Variants in COL15A1 observed in about 807,000 individuals in gnomAD.
COL15A1 encodes the protein collagen type XV alpha 1 chain.
A neutral mutation model predicts 165.9 loss-of-function variants in COL15A1; 111 were observed. The observed-to-expected ratio is 0.67, with a 90% CI of 0.57 to 0.78. COL15A1 has a LOEUF of 0.78. COL15A1 is among the 30% of genes least tolerant of loss of function. The pLI, the probability that COL15A1 is intolerant of heterozygous loss-of-function variation, is 0.00. For missense variants in COL15A1, 1,745 were observed against 1,789.7 expected (o/e 0.98, Z 0.45); for synonymous variants, 659 against 674.8 (o/e 0.98, Z 0.36).
chr9:98,968,430 GC>G (rs977511344), intron 2 of COL15A1, among the ~76,000 whole-genome samples: 1 of 152,204 alleles, frequency 6.6e-6, no homozygotes, highest in African/African-American at 2.4e-5. Flanking sequence ...TCCATTCCTT[GC>G]CACTTTCAGC....
rs1206329670 is a variant in COL15A1, at chr9:99,063,035, T to A, written c.3592-15T>A. The A allele has an allele frequency of 1.9e-6, 3 of 1,594,356 alleles. No homozygotes were observed. The highest frequency in any genetic ancestry group is 1.7e-6 in the Non-Finnish European group (2 of 1,173,304). On this transcript the variant is annotated splice_polypyrimidine_tract_variant and intron_variant, in intron 38 of 41. Coordinates refer to ENST00000375001, the MANE Select transcript of COL15A1 (RefSeq NM_001855.5). Reference sequence around the variant, plus strand: ...GCATATTCAGAACTGTTTCTTTTCCTCCTTTTCATAACAGCCACATCAGCT... The same window carrying A: ...GCATATTCAGAACTGTTTCTTTTCCACCTTTTCATAACAGCCACATCAGCT...
intron 39 of COL15A1, among the ~76,000 whole-genome samples, chr9:99,065,988 G>A (rs1045177053): frequency 2.0e-5 from 3 of 151,920 alleles, no homozygotes; most frequent in South Asian, 2.1e-4. Flanking sequence ...CTGCCCCACC[G>A]CCTGAGCCTC....
chr9:98,955,592 A>G (rs1325426459), intron 2 of COL15A1, among the ~76,000 whole-genome samples: 1 of 152,254 alleles, frequency 6.6e-6, no homozygotes, highest in Non-Finnish European at 1.5e-5. Flanking sequence ...GCAGCCATCC[A>G]CTGTGCAGGA....
intron 16 of COL15A1, among the ~76,000 whole-genome samples, chr9:99,026,190 A>G (rs1026891011): frequency 2.0e-5 from 3 of 152,134 alleles, no homozygotes; most frequent in Admixed American, 2.0e-4. Context: ...GCTTCAGTGA[A>G]TGGTGTTGCC....
Position 99,035,431 on chromosome 9 carries a change from T to C in COL15A1, c.2289+13T>C. On this transcript the variant is annotated intron_variant, in intron 19 of 41. Transcript: ENST00000375001. ...AACGGCTGCAATTGTAGGTCGCCTC[T>C]GAAACCTTCATTATGAGGGTTGTCA... The C allele has an allele frequency of 6.2e-7, 1 of 1,614,078 alleles. No individual in the cohort carries two copies. The highest frequency in any genetic ancestry group is 1.1e-5 in the South Asian group (1 of 91,084).
intron 31 of COL15A1, among the ~76,000 whole-genome samples, chr9:99,053,381 C>T (rs370801952): frequency 1.2e-3 from 177 of 152,306 alleles, no homozygotes; most frequent in African/African-American, 3.9e-3. Flanking sequence ...GCTCCCCTTT[C>T]CCCTGATGCA....
At chr9:99,014,734 T>C (rs1474361839) in intron 9 of COL15A1, among the ~76,000 whole-genome samples, 1 of 152,190 alleles carries the variant, frequency 6.6e-6, no homozygotes, top group Non-Finnish European at 1.5e-5. Flanking sequence ...CCAAGGTGGT[T>C]GGAGCACAGC....
chr9:99,061,012 T>G (rs1027386107), intron 36 of COL15A1, among the ~76,000 whole-genome samples: 2 of 152,254 alleles, frequency 1.3e-5, no homozygotes, highest in African/African-American at 4.8e-5. Flanking sequence ...TCTGGCACAT[T>G]CGTTACCCTG....
chr9:98,960,274 C>T (rs956368676), intron 2 of COL15A1, among the ~76,000 whole-genome samples: 1 of 152,044 alleles, frequency 6.6e-6, no homozygotes, highest in Admixed American at 6.5e-5. Flanking sequence ...GTGACATGTG[C>T]CTGTACTCCC....
chr9:99,055,767 G>T lies in COL15A1; in HGVS notation c.3192+395G>T, dbSNP rs78528595. 7.9e-3 allele frequency among the ~76,000 whole-genome samples: 1,200 copies of T among 152,314 alleles called. 19 individuals are homozygous for T. The highest frequency in any genetic ancestry group is 0.027 in the African/African-American group (1,141 of 41,564). On this transcript the variant is annotated intron_variant, in intron 34 of 41. Transcript: ENST00000375001. Reference sequence around the variant, plus strand: ...TTTTATCAAAGGAGCTCCTAGATAGGTGTGGTTTTCCTAGGATGAGAGATT... The same window carrying T: ...TTTTATCAAAGGAGCTCCTAGATAGTTGTGGTTTTCCTAGGATGAGAGATT...
chr9:99,034,597 A>G lies in COL15A1; in HGVS notation c.2079+13A>G. 1 of 1,464,898 alleles carries G rather than the reference A, an allele frequency of 6.8e-7. No individual in the cohort carries two copies. The highest frequency in any genetic ancestry group is 9.0e-7 in the Non-Finnish European group (1 of 1,110,374). The allele number at this position is 1,464,898 out of a possible 1,614,324, so 90.7% of individuals were successfully genotyped here. Reference sequence around the variant, plus strand: ...AGTTGGTGAAAAGGTAAAAAAAAAAAAAAAAAAAAAAAAAAAAGAACTTTC... The same window carrying G: ...AGTTGGTGAAAAGGTAAAAAAAAAAGAAAAAAAAAAAAAAAAAGAACTTTC... On this transcript the variant is annotated intron_variant, in intron 17 of 41. Coordinates refer to ENST00000375001, the MANE Select transcript of COL15A1 (RefSeq NM_001855.5).
At chr9:99,066,597 C>CTTTTTTTTTTTTTTTTTTT (rs1825894667) in intron 39 of COL15A1, among the ~76,000 whole-genome samples, 1 of 65,118 alleles carries the variant, frequency 1.5e-5, no homozygotes, top group Non-Finnish European at 3.0e-5. Context: ...ATATTTTGTT[C>CTTTTTTTTTTTTTTTTTTT]TGTTTTTTTT....
Position 99,056,370 on chromosome 9 carries a change from G to A in COL15A1, c.3303G>A (p.Pro1101=), listed in dbSNP as rs774210505. Residue 1101 remains proline (P), a synonymous_variant, in exon 35 of 42, where the codon CCG becomes CCA. Coordinates refer to ENST00000375001, the MANE Select transcript of COL15A1 (RefSeq NM_001855.5). The stretch of plus-strand genomic sequence containing the variant: ...GTGATCCTGGGCCACCGGGGCCCCC[G>A]GGGCCACCAGGACCTCCAGCTATCC... ...RPGDPGPPGP[P]GPPGPPAILG... 57 of 1,612,512 alleles carry A rather than the reference G, an allele frequency of 3.5e-5. No individual in the cohort carries two copies. The highest frequency in any genetic ancestry group is 5.5e-5 in the South Asian group (5 of 91,052).
chr9:98,989,342 T>A (rs1588504188), intron 5 of COL15A1, 84 bp downstream of exon 5: 1 of 1,098,830 alleles, frequency 9.1e-7, no homozygotes, highest in Middle Eastern at 2.2e-4. Context: ...GAGTCCTGGG[T>A]CTGACCTCTT....
chr9:98,992,843 A>G (rs1203901365), intron 5 of COL15A1, among the ~76,000 whole-genome samples: 2 of 152,162 alleles, frequency 1.3e-5, no homozygotes, highest in Non-Finnish European at 2.9e-5. Flanking sequence ...CCCCAGGACC[A>G]TGGCACTGCA....
intron 16 of COL15A1, among the ~76,000 whole-genome samples, chr9:99,027,036 A>G (rs1839137986): frequency 6.6e-6 from 1 of 152,090 alleles, no homozygotes; most frequent in Admixed American, 6.5e-5. Context: ...TCTGTCTGTA[A>G]GCTGGTCCTG....
chr9:99,022,217 C>A, intron 13 of COL15A1, 67 bp downstream of exon 13: 1 of 1,603,954 alleles, frequency 6.2e-7, no homozygotes, highest in Non-Finnish European at 8.5e-7. Flanking sequence ...AAAACAGCCA[C>A]AGGCTGAGGA....
chr9:99,044,704 A>G (rs1452359646), intron 25 of COL15A1, 31 bp from the exon 26 acceptor site: 5 of 1,613,070 alleles, frequency 3.1e-6, no homozygotes, highest in Non-Finnish European at 4.2e-6. Flanking sequence ...TCTGTCCCAA[A>G]CAGTGACAAG....
At position 99,036,165 on chromosome 9, in the gene COL15A1, TC is replaced by T; in HGVS notation, c.2290-3del. On this transcript the variant is annotated splice_polypyrimidine_tract_variant and splice_region_variant and intron_variant, in intron 19 of 41. Coordinates refer to ENST00000375001, the MANE Select transcript of COL15A1 (RefSeq NM_001855.5). ...AAGAATATTTATTTTTGTTTATTTT[TC>T]CAGGGTCTCAAAGGAGAGAAAGGAG... 1 of 1,609,940 alleles carries T rather than the reference TC, an allele frequency of 6.2e-7. No homozygotes were observed. Among genetic ancestry groups the T allele is most frequent in the South Asian group, 1.1e-5 (1 of 90,974 alleles).
Sources: gnomAD v4.1 joint callset for allele counts (sites outside exome capture counted in the v4.1 genomes callset) on GRCh38, gnomAD v4.1.1 for gene constraint, MANE v1.5 for transcripts, NCBI Gene and HGNC (gene_info 2026-07-23, HGNC 2026-07-21) for gene names.